The following MAP2 variants were observed in gnomAD, a reference collection of about 807,000 sequenced individuals.
MAP2 encodes the protein microtubule associated protein 2.
Under a neutral mutation model 137.6 loss-of-function variants are expected in MAP2, and 14 were observed. The ratio of observed to expected loss-of-function variants is 0.10; its 90% CI spans 0.07 to 0.16. MAP2 has a LOEUF of 0.16. Among genes scored for constraint, MAP2 ranks in the 10% least tolerant of loss-of-function variants. The pLI is 1.00. For missense variants in MAP2, 2,088 were observed against 2,191.5 expected, an observed-to-expected ratio of 0.95 and a Z score of 0.94; for synonymous variants, 786 against 782.3, an observed-to-expected ratio of 1.00 and a Z score of -0.08.
intron 1 of MAP2, among the ~76,000 whole-genome samples, chr2:209,469,402 C>T (rs1705062139): frequency 6.6e-6 from 1 of 152,168 alleles, no homozygotes; most frequent in Non-Finnish European, 1.5e-5. Flanking sequence ...GCTTAGTTCT[C>T]TAAAACATTT....
chr2:209,627,927 T>C (rs1337072000), intron 4 of MAP2, among the ~76,000 whole-genome samples: 3 of 152,108 alleles, frequency 2.0e-5, no homozygotes, highest in Non-Finnish European at 4.4e-5. Context: ...GGAGTGAAAA[T>C]GTTTTGCAAA....
rs564612081 is a variant in MAP2, at chr2:209,646,782, T to TTTGTTGTTG, written c.-29-6345_-29-6337dup. On this transcript the variant is annotated intron_variant, in intron 4 of 15. Coordinates refer to ENST00000682079, the MANE Select transcript of MAP2 (RefSeq NM_001375505.1). ...TTTCCTTTTGTTCTTTCTTCATTCT[T>TTTGTTGTTG]TTGTTGTTGTTGTTGTTGTTGTTTC... is the stretch of plus-strand genomic sequence containing the variant. Among the ~76,000 whole-genome samples, 576 of 152,072 alleles carry TTTGTTGTTG rather than the reference T, an allele frequency of 3.8e-3. 5 individuals carry two copies. The highest frequency in any genetic ancestry group is 0.013 in the African/African-American group (526 of 41,488).
At chr2:209,429,343 T>A (rs1693593505) in intron 1 of MAP2, among the ~76,000 whole-genome samples, 1 of 151,880 alleles carries the variant, frequency 6.6e-6, no homozygotes, top group African/African-American at 2.4e-5. Flanking sequence ...TGACTTTTTA[T>A]TATTTTGTTC....
chr2:209,453,749 G>A (rs930076645), intron 1 of MAP2, among the ~76,000 whole-genome samples: 1 of 149,648 alleles, frequency 6.7e-6, no homozygotes, highest in Non-Finnish European at 1.5e-5. Context: ...CATAGATGGG[G>A]TGTCATGTCA....
chr2:209,496,267 C>T (rs1157097495), intron 1 of MAP2, among the ~76,000 whole-genome samples: 1 of 152,130 alleles, frequency 6.6e-6, no homozygotes, highest in Non-Finnish European at 1.5e-5. Flanking sequence ...GGGTCATTGA[C>T]CCAGAGCAGC....
At chr2:209,582,512 A>T (rs1326382121) in intron 3 of MAP2, among the ~76,000 whole-genome samples, 3 of 151,988 alleles carry the variant, frequency 2.0e-5, no homozygotes, top group Non-Finnish European at 2.9e-5. Context: ...ATTGCTTTTC[A>T]TGTCTTTGGC....
chr2:209,593,843 A>T (rs142770959), intron 3 of MAP2, among the ~76,000 whole-genome samples: 99,610 of 106,228 alleles, frequency 0.94, 47,064 homozygotes, highest in East Asian at 1. Context: ...ATTATATTAT[A>T]ATATATATTA....
At chr2:209,640,717 A>G (rs1197774273) in intron 4 of MAP2, among the ~76,000 whole-genome samples, 3 of 152,280 alleles carry the variant, frequency 2.0e-5, no homozygotes, top group African/African-American at 7.2e-5. Flanking sequence ...GATCCCATAA[A>G]GAGAAGGGCA....
At chr2:209,516,074 C>T (rs986693477) in intron 2 of MAP2, among the ~76,000 whole-genome samples, 1 of 152,070 alleles carries the variant, frequency 6.6e-6, no homozygotes, top group Non-Finnish European at 1.5e-5. Flanking sequence ...AGATTACAGG[C>T]GTGAGCCACT....
chr2:209,559,400 GAGGCAGGCAGATCACTTT>G, intron 2 of MAP2, among the ~76,000 whole-genome samples: 1 of 149,280 alleles, frequency 6.7e-6, no homozygotes, highest in African/African-American at 2.5e-5. Context: ...TTGGGAGGCC[GAGGCAGGCAGATCACTTT>G]AGGTCAGGAG....
intron 5 of MAP2, among the ~76,000 whole-genome samples, chr2:209,667,287 A>G (rs904211180): frequency 4.6e-5 from 7 of 152,082 alleles, no homozygotes; most frequent in African/African-American, 1.7e-4. Flanking sequence ...AAAAACAACA[A>G]AGTTCTCTGG....
intron 3 of MAP2, among the ~76,000 whole-genome samples, chr2:209,587,844 TG>T (rs2078160021): frequency 1.3e-5 from 2 of 152,186 alleles, no homozygotes; most frequent in South Asian, 4.1e-4. Flanking sequence ...GTTATCATTT[TG>T]TAATTTGTTG....
intron 13 of MAP2, among the ~76,000 whole-genome samples, chr2:209,720,446 G>T (rs2069935511): frequency 6.6e-6 from 1 of 152,032 alleles, no homozygotes; most frequent in Admixed American, 6.6e-5. Flanking sequence ...AGACCATCCT[G>T]GCTAACACGG....
intron 6 of MAP2, among the ~76,000 whole-genome samples, chr2:209,680,425 C>T (rs2054056238): frequency 6.6e-6 from 1 of 151,892 alleles, no homozygotes; most frequent in Non-Finnish European, 1.5e-5. Context: ...TAAATTAGGG[C>T]CAAAATGAAA....
chr2:209,484,713 A>T (rs186945855), intron 1 of MAP2, among the ~76,000 whole-genome samples: 1 of 152,126 alleles, frequency 6.6e-6, no homozygotes, highest in African/African-American at 2.4e-5. Flanking sequence ...AACAAAAAAC[A>T]TATCTTTCTC....
chr2:209,584,578 G>T (rs112309581), intron 3 of MAP2, among the ~76,000 whole-genome samples: 1,704 of 152,206 alleles, frequency 0.011, 30 homozygotes, highest in African/African-American at 0.04. Context: ...ACTAGTTTGA[G>T]CAGGAGACTA....
chr2:209,599,898 G>A (rs2082477215), intron 3 of MAP2, among the ~76,000 whole-genome samples: 1 of 152,112 alleles, frequency 6.6e-6, no homozygotes, highest in Non-Finnish European at 1.5e-5. Flanking sequence ...AGGATATTGA[G>A]GGGGTTAATG....
At chr2:209,467,670 A>C (rs960839748) in intron 1 of MAP2, among the ~76,000 whole-genome samples, 1 of 152,180 alleles carries the variant, frequency 6.6e-6, no homozygotes, top group South Asian at 2.1e-4. Context: ...TCCTTGGAGT[A>C]AGAATTATTT....
chr2:209,620,417 A>G (rs1477164652), intron 3 of MAP2, among the ~76,000 whole-genome samples: 1 of 152,246 alleles, frequency 6.6e-6, no homozygotes, highest in Non-Finnish European at 1.5e-5. Flanking sequence ...ACAGCTCTTA[A>G]TCCTTTCAAA....
Sources: allele counts gnomAD v4.1 joint callset (sites outside exome capture counted in the v4.1 genomes callset), GRCh38; gene constraint gnomAD v4.1.1; transcripts MANE v1.5; gene names NCBI Gene and HGNC (gene_info 2026-07-23, HGNC 2026-07-21).